The following RIPK2 variants were observed in gnomAD, a reference collection of about 807,000 sequenced individuals.
RIPK2 encodes the protein receptor-interacting serine/threonine-protein kinase 2.
RIPK2 carries 38 observed loss-of-function variants against 60.9 expected under a neutral mutation model. That is an observed-to-expected ratio of 0.62 (90% CI 0.48 to 0.82). The LOEUF (loss-of-function observed/expected upper bound fraction) is 0.82. RIPK2 is among the 40% of genes least tolerant of loss of function. The pLI is 0.00. For missense variants in RIPK2, 518 were observed against 647.0 expected (o/e 0.80, Z 2.16); for synonymous variants, 225 against 223.4 (o/e 1.01, Z -0.06).
Position 89,790,529 on chromosome 8 carries a change from G to C in RIPK2, c.*113G>C. The stretch of plus-strand genomic sequence containing the variant: ...ATTAAAGCTTTATTGAAGGTTCTTT[G>C]GGTAAATATTAGTCTCCCTCCATGA... On this transcript the variant is annotated 3_prime_UTR_variant, in exon 11 of 11. Transcript: ENST00000220751. 1 of 731,280 alleles carries C rather than the reference G, an allele frequency of 1.4e-6. No individual in the cohort carries two copies. The highest frequency in any genetic ancestry group is 2.2e-5 in the South Asian group (1 of 46,204). The allele number at this position is 731,280 out of a possible 1,614,324, so 45.3% of individuals were successfully genotyped here.
chr8:89,782,163 C>T (rs1333721235), intron 7 of RIPK2, among the ~76,000 whole-genome samples: 1 of 151,966 alleles, frequency 6.6e-6, no homozygotes, highest in African/African-American at 2.4e-5. Flanking sequence ...TACTTGAGTA[C>T]AAGCACTGTG....
chr8:89,764,452 C>T (rs576328877), intron 2 of RIPK2, among the ~76,000 whole-genome samples: 1 of 152,238 alleles, frequency 6.6e-6, no homozygotes, highest in East Asian at 1.9e-4. Flanking sequence ...TTCTCAAGAA[C>T]AGTTTTGTAC....
Position 89,790,194 on chromosome 8 carries a change from C to CT in RIPK2, c.1403dup (p.Leu468PhefsTer8). 1 of 1,614,068 alleles carries CT rather than the reference C, an allele frequency of 6.2e-7. No individual in the cohort carries two copies. Among genetic ancestry groups the CT allele is most frequent in the Non-Finnish European group, 8.5e-7 (1 of 1,179,974 alleles). Reference sequence around the variant, plus strand: ...CGCTAGATGCCCTTCTGTCCAGGGACTTGATCATGAAAGAGGACTATGAAC... The same window carrying CT: ...CGCTAGATGCCCTTCTGTCCAGGGACTTTGATCATGAAAGAGGACTATGAAC... On this transcript the variant is annotated frameshift_variant, in exon 11 of 11. Coordinates refer to ENST00000220751, the MANE Select transcript of RIPK2 (RefSeq NM_003821.6). LOFTEE classifies it high-confidence loss of function.
At chr8:89,780,515 TAAA>T (rs34552518) in intron 7 of RIPK2, 22 of 143,060 alleles carry the variant, frequency 1.5e-4, no homozygotes, top group South Asian at 2.2e-4. Context: ...ATTTAAAACG[TAAA>T]AAAAAAAAAA....
intron 5 of RIPK2, 141 bp downstream of exon 5, chr8:89,771,931 A>G (rs1423267692): frequency 4.5e-6 from 3 of 672,640 alleles, no homozygotes; most frequent in African/African-American, 1.8e-5. Context: ...TCAGTTGTGA[A>G]TGCATCACAT....
intron 7 of RIPK2, among the ~76,000 whole-genome samples, chr8:89,781,996 AAAC>A (rs1221394836): frequency 2.0e-5 from 3 of 152,166 alleles, no homozygotes; most frequent in African/African-American, 7.2e-5. Context: ...TAACAAAACA[AAAC>A]AAAAAATATA....
intron 7 of RIPK2, among the ~76,000 whole-genome samples, chr8:89,782,387 G>A (rs985799760): frequency 6.6e-5 from 10 of 152,112 alleles, no homozygotes; most frequent in Non-Finnish European, 5.9e-5. Flanking sequence ...TGGAAACTGC[G>A]GAAAGTGAAA....
chr8:89,772,580 C>T lies in RIPK2; in HGVS notation c.692-87C>T, dbSNP rs191324306. 1.8e-3 allele frequency: 1,680 copies of T among 955,652 alleles called. 5 individuals are homozygous for T. The highest frequency in any genetic ancestry group is 2.3e-3 in the Non-Finnish European group (1,511 of 654,832). 59.2% of individuals were successfully genotyped at this position (955,652 alleles called of 1,614,324 possible). ...ATCATTCCTAAAATTTCAATATTCACTTATTTTCTTTTAGTTAGTTTTAGA... is the reference window on the plus strand; with the variant it reads ...ATCATTCCTAAAATTTCAATATTCATTTATTTTCTTTTAGTTAGTTTTAGA... On this transcript the variant is annotated intron_variant, in intron 5 of 10. Transcript: ENST00000220751.
At chr8:89,775,785 G>T (rs147011616) in intron 6 of RIPK2, among the ~76,000 whole-genome samples, 3 of 152,284 alleles carry the variant, frequency 2.0e-5, no homozygotes, top group Admixed American at 2.0e-4. Flanking sequence ...AGTGTAGTAT[G>T]AGAGCAGATG....
At chr8:89,763,029 T>C (rs762720170) in intron 2 of RIPK2, 47 bp downstream of exon 2, 3 of 1,182,936 alleles carry the variant, frequency 2.5e-6, no homozygotes, top group Non-Finnish European at 3.4e-6. Flanking sequence ...TTTTTACTAT[T>C]CAAACTATAT....
intron 5 of RIPK2, among the ~76,000 whole-genome samples, chr8:89,772,176 T>C (rs1268728759): frequency 1.3e-5 from 2 of 152,084 alleles, no homozygotes; most frequent in Non-Finnish European, 2.9e-5. Flanking sequence ...GATAATTTAA[T>C]TACTACCCCC....
chr8:89,788,692 G>A (rs1193985817), intron 9 of RIPK2, among the ~76,000 whole-genome samples: 1 of 151,862 alleles, frequency 6.6e-6, no homozygotes, highest in East Asian at 1.9e-4. Flanking sequence ...CAGGAGAATC[G>A]CTTGAACCTG....
intron 8 of RIPK2, among the ~76,000 whole-genome samples, chr8:89,784,957 G>C (rs1458368217): frequency 6.6e-6 from 1 of 152,020 alleles, no homozygotes; most frequent in Non-Finnish European, 1.5e-5. Flanking sequence ...GAGGAAGTCA[G>C]GTTCTTTAAC....
rs535019600 is a variant in RIPK2, at chr8:89,777,032, A to C, written c.854-3043A>C. On this transcript the variant is annotated intron_variant, in intron 6 of 10. Coordinates refer to ENST00000220751, the MANE Select transcript of RIPK2 (RefSeq NM_003821.6). Reference sequence around the variant, plus strand: ...AGAGGAAACAGGTGGAACCCAGTGGACACTCAGGGTCAAGGAAACAGGGAT... The same window carrying C: ...AGAGGAAACAGGTGGAACCCAGTGGCCACTCAGGGTCAAGGAAACAGGGAT... Among the ~76,000 whole-genome samples the C allele has an allele frequency of 1.6e-4, 25 of 152,306 alleles. 1 individual carries two copies. The South Asian group carries it at 5.2e-3, about 32-fold the overall frequency.
At chr8:89,788,090 C>A (rs1236111435) in intron 9 of RIPK2, among the ~76,000 whole-genome samples, 1 of 152,060 alleles carries the variant, frequency 6.6e-6, no homozygotes, top group South Asian at 2.1e-4. Context: ...ACCTGTAATC[C>A]CAGCATTTTG....
intron 1 of RIPK2, chr8:89,759,320 A>G (rs1397251668): frequency 4.4e-6 from 2 of 456,302 alleles, no homozygotes; most frequent in Admixed American, 4.7e-5. Flanking sequence ...TACTTCCTAC[A>G]GGGATTTAAC....
chr8:89,786,577 T>C lies in RIPK2; in HGVS notation c.1030-16T>C. 1 of 1,400,118 alleles carries C rather than the reference T, an allele frequency of 7.1e-7. No homozygotes were observed. Among genetic ancestry groups the C allele is most frequent in the Non-Finnish European group, 1.0e-6 (1 of 1,002,466 alleles). The allele number at this position is 1,400,118 out of a possible 1,614,324, so 86.7% of individuals were successfully genotyped here. A position where few individuals can be genotyped will look rare whatever the true frequency, so the allele number is the denominator to read the frequency against. ...ATTTTTATTAACCTAAACCCTTTAT[T>C]TTTTATTTACTTTAGGAATCATGTG... On this transcript the variant is annotated splice_polypyrimidine_tract_variant and intron_variant, in intron 8 of 10. Coordinates refer to ENST00000220751, the MANE Select transcript of RIPK2 (RefSeq NM_003821.6).
chr8:89,775,585 C>T (rs1809383921), intron 6 of RIPK2, among the ~76,000 whole-genome samples: 1 of 152,038 alleles, frequency 6.6e-6, no homozygotes, highest in South Asian at 2.1e-4. Context: ...GTATCAGAAA[C>T]AGAATGCTGG....
rs1809284095 is a variant in RIPK2, at chr8:89,769,794, A to C, written c.506A>C (p.Lys169Thr). 6.2e-6 allele frequency: 10 copies of C among 1,601,528 alleles called. No homozygotes were observed. Among genetic ancestry groups the C allele is most frequent in the Non-Finnish European group, 8.5e-6 (10 of 1,174,930 alleles). Reference protein sequence around the residue: ...HVKIADFGLSKWRMMSLSQSR... With the variant: ...HVKIADFGLSTWRMMSLSQSR... The stretch of plus-strand genomic sequence containing the variant: ...CAGATTGCAGATTTTGGTTTATCAA[A>C]GTGGCGCATGATGTCCCTCTCACAG... Residue 169 changes from lysine (K) to threonine (T), a missense_variant, in exon 4 of 11, where the codon AAG becomes ACG. Lys to Thr is a moderately conservative substitution (Grantham distance 78). Around this residue, in one of 3 missense-constraint regions of RIPK2, gnomAD observed 448 missense variants for 534.7 expected, o/e 0.84. Transcript: ENST00000220751.
Sources: gnomAD v4.1 joint callset for allele counts (sites outside exome capture counted in the v4.1 genomes callset) on GRCh38, gnomAD v4.1.1 for gene constraint, gnomAD v4.1.1 regional missense constraint, MANE v1.5 for transcripts, NCBI Gene and HGNC (gene_info 2026-07-23, HGNC 2026-07-21) for gene names.